The following RBPMS variants were observed in gnomAD, a reference collection of about 807,000 sequenced individuals.
RBPMS encodes the protein RNA binding protein, mRNA processing factor, also known as RNA-binding protein with multiple splicing.
Under a neutral mutation model 26.8 loss-of-function variants are expected in RBPMS, and 7 were observed. The observed-to-expected ratio is 0.26, with a 90% CI of 0.15 to 0.49. The LOEUF (loss-of-function observed/expected upper bound fraction) is 0.49. Ranked by LOEUF, RBPMS falls within the 20% of genes least tolerant of loss-of-function variation. RBPMS has a pLI of 0.98. For missense variants in RBPMS, 186 were observed against 250.0 expected (o/e 0.74, Z 1.73); for synonymous variants, 96 against 93.3 (o/e 1.03, Z -0.17).
rs764028194 is a variant in RBPMS, at chr8:30,474,861, C to CT, written c.144+12dup. The CT allele has an allele frequency of 3.2e-6, 5 of 1,568,986 alleles. No homozygotes were observed. In the South Asian group the frequency reaches 3.4e-5, roughly 11 times the overall value. On this transcript the variant is annotated splice_donor_region_variant and intron_variant, in intron 2 of 8. Coordinates refer to ENST00000397323, the MANE Select transcript of RBPMS (RefSeq NM_001008710.3). ...CTGCTTTTCAGACCATTTAAGGTACCTTTTTTTATCTTTCAGAAATTATAA... is the reference window on the plus strand; with the variant it reads ...CTGCTTTTCAGACCATTTAAGGTACCTTTTTTTTATCTTTCAGAAATTATAA...
At chr8:30,460,206 A>G (rs1313587731) in intron 1 of RBPMS, among the ~76,000 whole-genome samples, 1 of 152,254 alleles carries the variant, frequency 6.6e-6, no homozygotes, top group Non-Finnish European at 1.5e-5. Context: ...AATCTAAACT[A>G]AAAATCCAAA....
chr8:30,539,621 A>T lies in RBPMS; in HGVS notation c.398-4873A>T, dbSNP rs190173007. On this transcript the variant is annotated intron_variant, in intron 5 of 8. Transcript: ENST00000397323. ...GATTTTTTTTTTTAATCTTTTTTTTAAAAAATCTTTTCTTTTTTTTTTGAG... is the reference window on the plus strand; with the variant it reads ...GATTTTTTTTTTTAATCTTTTTTTTTAAAAATCTTTTCTTTTTTTTTTGAG... 2.2e-3 allele frequency among the ~76,000 whole-genome samples: 327 copies of T among 147,942 alleles called. 3 individuals are homozygous for T. The highest frequency in any genetic ancestry group is 6.4e-3 in the African/African-American group (258 of 40,138).
intron 4 of RBPMS, among the ~76,000 whole-genome samples, chr8:30,498,326 C>T (rs573849045): frequency 6.6e-6 from 1 of 152,164 alleles, no homozygotes; most frequent in South Asian, 2.1e-4. Context: ...AGTTGGAATT[C>T]TAGATCCTCA....
At chr8:30,393,310 A>T (rs1007852956) in intron 1 of RBPMS, among the ~76,000 whole-genome samples, 3 of 151,750 alleles carry the variant, frequency 2.0e-5, no homozygotes, top group Admixed American at 2.0e-4. Flanking sequence ...ATTAATTCCC[A>T]GGCTTTTACT....
chr8:30,519,744 C>T (rs1385420348), intron 5 of RBPMS, among the ~76,000 whole-genome samples: 5 of 152,202 alleles, frequency 3.3e-5, no homozygotes, highest in Non-Finnish European at 2.9e-5. Flanking sequence ...CTGCCCACCT[C>T]GGCCTCCCAA....
chr8:30,456,215 T>C (rs1815196644), intron 1 of RBPMS, among the ~76,000 whole-genome samples: 1 of 152,236 alleles, frequency 6.6e-6, no homozygotes. Flanking sequence ...TCATCTAAGA[T>C]GACACTGCAA....
intron 1 of RBPMS, among the ~76,000 whole-genome samples, chr8:30,420,836 G>C (rs752193195): frequency 6.6e-6 from 1 of 152,196 alleles, no homozygotes; most frequent in Non-Finnish European, 1.5e-5. Flanking sequence ...TATTGTAGCA[G>C]AGTAGTTCAG....
chr8:30,476,106 GAA>G (rs1458875510), intron 2 of RBPMS, among the ~76,000 whole-genome samples: 1 of 152,162 alleles, frequency 6.6e-6, no homozygotes, highest in Non-Finnish European at 1.5e-5. Flanking sequence ...TGTATAGAGA[GAA>G]AGACATTCAC....
chr8:30,413,742 T>G (rs2150589073), intron 1 of RBPMS, among the ~76,000 whole-genome samples: 1 of 152,124 alleles, frequency 6.6e-6, no homozygotes, highest in African/African-American at 2.4e-5. Flanking sequence ...GCCTCCTGAG[T>G]AGCTGGGACT....
chr8:30,549,793 T>TCTCTCTCTCTCTCTCC (rs1464873852), intron 6 of RBPMS, among the ~76,000 whole-genome samples: 5 of 109,428 alleles, frequency 4.6e-5, no homozygotes, highest in South Asian at 5.5e-4. Flanking sequence ...TCTCTCTCTC[T>TCTCTCTCTCTCTCTCC]CTCCCCTCTC....
At chr8:30,468,110 G>T (rs915408927) in intron 1 of RBPMS, among the ~76,000 whole-genome samples, 2 of 152,018 alleles carry the variant, frequency 1.3e-5, no homozygotes, top group African/African-American at 4.8e-5. Context: ...TTTGTCAGTA[G>T]ATCTGGATAT....
At chr8:30,441,557 G>A (rs1282975793) in intron 1 of RBPMS, among the ~76,000 whole-genome samples, 1 of 152,084 alleles carries the variant, frequency 6.6e-6, no homozygotes, top group African/African-American at 2.4e-5. Context: ...TCTGGAGACT[G>A]TACAGTCAAG....
At chr8:30,411,017 G>A (rs1311438347) in intron 1 of RBPMS, among the ~76,000 whole-genome samples, 2 of 151,956 alleles carry the variant, frequency 1.3e-5, no homozygotes, top group Non-Finnish European at 2.9e-5. Flanking sequence ...GGGATTACAG[G>A]TGTGAGCCAC....
In RBPMS at chr8:30,517,401, C is replaced by A. The variant is rs1822463729; in HGVS notation, c.397+12965C>A. On this transcript the variant is annotated intron_variant, in intron 5 of 8. Coordinates refer to ENST00000397323, the MANE Select transcript of RBPMS (RefSeq NM_001008710.3). ...CTTCGTGTAGCCACTAGGACCCTAG[C>A]TATACTGAGATACAGTGGAGGAGCA... Among the ~76,000 whole-genome samples, 3 of 152,226 alleles carry A rather than the reference C, an allele frequency of 2.0e-5. No homozygotes were observed. In the South Asian group the frequency reaches 6.2e-4, roughly 32 times the overall value.
At chr8:30,513,616 T>G (rs1207358036) in intron 5 of RBPMS, among the ~76,000 whole-genome samples, 1 of 116,940 alleles carries the variant, frequency 8.6e-6, no homozygotes, top group Admixed American at 8.8e-5. Context: ...AAAAAAAAAA[T>G]CAGGGACTCG....
chr8:30,492,496 G>A (rs1390451694), intron 4 of RBPMS, among the ~76,000 whole-genome samples: 1 of 152,040 alleles, frequency 6.6e-6, no homozygotes, highest in African/African-American at 2.4e-5. Flanking sequence ...AAAGGATCTA[G>A]ATCGTCATCT....
intron 1 of RBPMS, among the ~76,000 whole-genome samples, chr8:30,442,009 C>T (rs3116007): frequency 0.15 from 23,517 of 151,884 alleles, 4,497 homozygotes; most frequent in African/African-American, 0.46. Flanking sequence ...AGGATGGTCT[C>T]GATCTCCTGA....
intron 4 of RBPMS, among the ~76,000 whole-genome samples, chr8:30,488,946 CTCT>C (rs1819084695): frequency 1.3e-5 from 2 of 152,152 alleles, no homozygotes; most frequent in Non-Finnish European, 2.9e-5. Context: ...GATTTGGGGG[CTCT>C]TCTTCAAGCC....
At chr8:30,412,038 C>T (rs1809509550) in intron 1 of RBPMS, among the ~76,000 whole-genome samples, 1 of 152,002 alleles carries the variant, frequency 6.6e-6, no homozygotes, top group Admixed American at 6.6e-5. Flanking sequence ...GTTTCTCCTC[C>T]TTTCTGTCCC....
Sources: allele counts gnomAD v4.1 joint callset (sites outside exome capture counted in the v4.1 genomes callset), GRCh38; gene constraint gnomAD v4.1.1; transcripts MANE v1.5; gene names NCBI Gene and HGNC (gene_info 2026-07-23, HGNC 2026-07-21).